CDH5: variants seen among roughly 807,000 people sequenced by gnomAD.
CDH5 encodes cadherin-5.
In CDH5, 28 loss-of-function variants were observed where a neutral mutation model predicts 62.0. The observed-to-expected ratio is 0.45, with a 90% CI of 0.33 to 0.62. The LOEUF is 0.62. CDH5 is among the 20% of genes least tolerant of loss of function. The pLI is 0.02. For missense variants in CDH5, 940 were observed against 1,065.1 expected, an observed-to-expected ratio of 0.88 and a Z score of 1.63; for synonymous variants, 464 against 445.8, an observed-to-expected ratio of 1.04 and a Z score of -0.52.
At chr16:66,384,867 G>A (rs1318922772) in intron 2 of CDH5, among the ~76,000 whole-genome samples, 2 of 152,212 alleles carry the variant, frequency 1.3e-5, no homozygotes, top group Non-Finnish European at 2.9e-5. Context: ...TCAGGAGGCT[G>A]AGGCAGAATA....
At chr16:66,389,565 C>A in intron 5 of CDH5, 43 bp downstream of exon 5, 2 of 1,457,564 alleles carry the variant, frequency 1.4e-6, no homozygotes, top group Non-Finnish European at 1.8e-6. Context: ...GGCTGGGATA[C>A]CCCAGACTCA....
chr16:66,390,488 G>C lies in CDH5; in HGVS notation c.867G>C (p.Gln289His), dbSNP rs143548008. 2.8e-4 allele frequency: 450 copies of C among 1,614,158 alleles called. 1 individual carries two copies. The African/African-American group carries it at 5.2e-3, about 19-fold the overall frequency. ...SLFVEDPDEP[Q>H]NRMTKYSILR... ...TTGTTGAGGACCCAGATGAGCCCCAGAACCGGATGACCAAGTACAGCATCT... is the reference window on the plus strand; with the variant it reads ...TTGTTGAGGACCCAGATGAGCCCCACAACCGGATGACCAAGTACAGCATCT... The change falls in exon 6 of 12, where the codon CAG (glutamine) becomes CAC (histidine). Residue 289 changes from glutamine to histidine, a missense_variant. Transcript: ENST00000341529.
At chr16:66,385,793 GT>G (rs1960972941) in intron 2 of CDH5, among the ~76,000 whole-genome samples, 1 of 152,192 alleles carries the variant, frequency 6.6e-6, no homozygotes, top group South Asian at 2.1e-4. Flanking sequence ...AGAATTCGTT[GT>G]TTTTCATGAT....
At chr16:66,371,234 G>A (rs1207762474) in intron 1 of CDH5, among the ~76,000 whole-genome samples, 1 of 152,168 alleles carries the variant, frequency 6.6e-6, no homozygotes, top group Non-Finnish European at 1.5e-5. Context: ...GGGTCACTGG[G>A]TCCCAGCCCC....
chr16:66,396,970 A>G (rs1268766841), intron 8 of CDH5, among the ~76,000 whole-genome samples: 1 of 152,200 alleles, frequency 6.6e-6, no homozygotes, highest in Non-Finnish European at 1.5e-5. Context: ...TCTCCTCCAC[A>G]TAATCCCATT....
At chr16:66,399,783 G>A (rs889625742) in intron 10 of CDH5, among the ~76,000 whole-genome samples, 2 of 152,182 alleles carry the variant, frequency 1.3e-5, no homozygotes, top group African/African-American at 4.8e-5. Flanking sequence ...CTTATATCAT[G>A]AACATCCTGC....
In CDH5 at chr16:66,368,488, A is replaced by G. The variant is rs569402824; in HGVS notation, c.-20+1730A>G. On this transcript the variant is annotated intron_variant, in intron 1 of 11. Coordinates refer to ENST00000341529, the MANE Select transcript of CDH5 (RefSeq NM_001795.5). Reference sequence around the variant, plus strand: ...CCGGACATGAGGGCAGGAAGCCAGCAGGGGCCACACATTTTCTGCAAAGTT... The same window carrying G: ...CCGGACATGAGGGCAGGAAGCCAGCGGGGGCCACACATTTTCTGCAAAGTT... 1.8e-3 allele frequency among the ~76,000 whole-genome samples: 269 copies of G among 152,340 alleles called. 2 individuals are homozygous for G. The highest frequency in any genetic ancestry group is 6.2e-3 in the African/African-American group (259 of 41,576).
At chr16:66,395,816 G>C in intron 7 of CDH5, 1 of 410,542 alleles carries the variant, frequency 2.4e-6, no homozygotes, top group Non-Finnish European at 4.3e-6. Flanking sequence ...GCATCTGATG[G>C]TCTCAGGTAC....
chr16:66,389,170 A>T (rs138216956), intron 4 of CDH5, among the ~76,000 whole-genome samples, 188 bp from the exon 5 acceptor site: 1 of 152,190 alleles, frequency 6.6e-6, no homozygotes, highest in Non-Finnish European at 1.5e-5. Context: ...GAACCCAACT[A>T]TTGGGCCAGC....
chr16:66,371,539 G>T (rs902313368), intron 1 of CDH5, among the ~76,000 whole-genome samples: 6 of 152,196 alleles, frequency 3.9e-5, no homozygotes, highest in Non-Finnish European at 7.4e-5. Context: ...GCCTGGGCAG[G>T]TGCCTGTGGT....
At chr16:66,374,721 G>T (rs1412306319) in intron 1 of CDH5, among the ~76,000 whole-genome samples, 1 of 150,370 alleles carries the variant, frequency 6.7e-6, no homozygotes, top group Non-Finnish European at 1.5e-5. Flanking sequence ...AATCAAGGAA[G>T]GAACCTCATT....
chr16:66,400,087 T>A lies in CDH5; in HGVS notation c.1592-684T>A, dbSNP rs1011066001. The stretch of plus-strand genomic sequence containing the variant: ...CTGCCCAGAACCACTGAATAAGAAG[T>A]GTGTGTGAGCATAGGGGTCTGAAAA... On this transcript the variant is annotated intron_variant, in intron 10 of 11. Coordinates refer to ENST00000341529, the MANE Select transcript of CDH5 (RefSeq NM_001795.5). 2.0e-5 allele frequency among the ~76,000 whole-genome samples: 3 copies of A among 152,082 alleles called. No individual in the cohort carries two copies. The South Asian group carries it at 6.2e-4, about 32-fold the overall frequency.
chr16:66,382,729 G>A (rs778495255), intron 2 of CDH5, among the ~76,000 whole-genome samples: 18 of 152,224 alleles, frequency 1.2e-4, no homozygotes, highest in South Asian at 4.1e-4. Flanking sequence ...ACAAGGGGTC[G>A]TCACGCTGGG....
intron 1 of CDH5, among the ~76,000 whole-genome samples, chr16:66,367,441 C>G (rs1960607814): frequency 6.6e-6 from 1 of 152,206 alleles, no homozygotes; most frequent in Non-Finnish European, 1.5e-5. Context: ...TTCCTCCCAC[C>G]AGCACCCTTT....
chr16:66,402,103 G>A (rs1961293134), intron 11 of CDH5, among the ~76,000 whole-genome samples: 1 of 152,122 alleles, frequency 6.6e-6, no homozygotes, highest in Non-Finnish European at 1.5e-5. Context: ...ACAGAGCAGG[G>A]AGGTCATCAT....
intron 10 of CDH5, among the ~76,000 whole-genome samples, chr16:66,399,753 G>T (rs1457606154): frequency 6.6e-6 from 1 of 152,230 alleles, no homozygotes; most frequent in African/African-American, 2.4e-5. Context: ...TAGGAGGCAA[G>T]TCTGTTGGTG....
chr16:66,403,014 G>C lies in CDH5; in HGVS notation c.2200G>C (p.Glu734Gln), dbSNP rs770201110. The change falls in exon 12 of 12, where the codon GAG becomes CAG. Residue 734 changes from glutamate to glutamine, a missense_variant. By Grantham distance (29) the Glu-to-Gln change is conservative (BLOSUM62 2). Coordinates refer to ENST00000341529, the MANE Select transcript of CDH5 (RefSeq NM_001795.5). This position sits in a 1 kb window ranked among gnomAD's most constrained non-coding sequence, Gnocchi z 4.3. Reference sequence around the variant, plus strand: ...CGACACGCTGCACATCTACGGCTACGAGGGCTCCGAGTCCATAGCCGAGTC... The same window carrying C: ...CGACACGCTGCACATCTACGGCTACCAGGGCTCCGAGTCCATAGCCGAGTC... ...PYDTLHIYGY[E>Q]GSESIAESLS... 6.2e-7 allele frequency: 1 copy of C among 1,613,170 alleles called. No individual in the cohort carries two copies. The highest frequency in any genetic ancestry group is 1.7e-5 in the Admixed American group (1 of 59,946).
intron 4 of CDH5, 38 bp downstream of exon 4, chr16:66,388,478 G>A: frequency 7.4e-7 from 1 of 1,346,340 alleles, no homozygotes; most frequent in Admixed American, 1.7e-5. Flanking sequence ...TCACTGATTT[G>A]GAGGGACAAG....
chr16:66,396,390 C>A (rs1961186014), intron 8 of CDH5, among the ~76,000 whole-genome samples, 189 bp downstream of exon 8: 1 of 152,236 alleles, frequency 6.6e-6, no homozygotes, highest in Admixed American at 6.5e-5. Context: ...TCAACATCCC[C>A]TGAGACCTTG....
Sources: gnomAD v4.1 joint callset for allele counts (sites outside exome capture counted in the v4.1 genomes callset) on GRCh38, gnomAD v4.1.1 for gene constraint, Gnocchi (gnomAD v3.1) non-coding constraint, MANE v1.5 for transcripts, NCBI Gene and HGNC (gene_info 2026-07-23, HGNC 2026-07-21) for gene names.